Variants in NEBL observed in about 807,000 individuals in gnomAD.
NEBL encodes nebulette, also known as LIM and SH3 protein 2.
In NEBL, 122 loss-of-function variants were observed where a neutral mutation model predicts 140.2. That is an observed-to-expected ratio of 0.87 (90% CI 0.75 to 1.01). NEBL has a LOEUF of 1.01. Among genes scored for constraint, NEBL ranks in the 50% least tolerant of loss-of-function variants. NEBL has a pLI of 0.00. For missense variants in NEBL, 1,365 were observed against 1,231.3 expected (o/e 1.11, Z -1.62); for synonymous variants, 436 against 398.9 (o/e 1.09, Z -1.11).
At chr10:20,938,005 C>T (rs536319368) in intron 4 of NEBL, among the ~76,000 whole-genome samples, 1 of 152,340 alleles carries the variant, frequency 6.6e-6, no homozygotes, top group South Asian at 2.1e-4. Context: ...TAGACTCCAC[C>T]TCTCGGGGCA....
chr10:20,904,793 A>T (rs1848020476), intron 4 of NEBL, among the ~76,000 whole-genome samples: 1 of 152,226 alleles, frequency 6.6e-6, no homozygotes, highest in Non-Finnish European at 1.5e-5. Flanking sequence ...AAAAACTTGA[A>T]TATGAGAGTG....
chr10:21,167,218 G>A (rs1840815517), intron 2 of NEBL, among the ~76,000 whole-genome samples: 1 of 152,172 alleles, frequency 6.6e-6, no homozygotes, highest in Non-Finnish European at 1.5e-5. Flanking sequence ...CTCAGCGCCT[G>A]CTGTTTTATT....
intron 1 of NEBL, among the ~76,000 whole-genome samples, chr10:21,254,811 C>G (rs1842634027): frequency 6.6e-6 from 1 of 152,178 alleles, no homozygotes; most frequent in Admixed American, 6.5e-5. Flanking sequence ...GTCTGGACTT[C>G]ACATACCCTG....
chr10:21,204,196 G>C (rs1021341852), intron 3 of NEBL, among the ~76,000 whole-genome samples: 3 of 152,144 alleles, frequency 2.0e-5, no homozygotes, highest in African/African-American at 7.2e-5. Context: ...CTTAGAACAA[G>C]CCTCAGAATT....
rs1835674226 is a variant in NEBL, at chr10:21,068,644, T to C, written c.165-48443A>G. 2.0e-5 allele frequency among the ~76,000 whole-genome samples: 3 copies of C among 152,334 alleles called. No homozygotes were observed. In the South Asian group the frequency reaches 6.2e-4, roughly 32 times the overall value. Reference sequence around the variant, plus strand: ...ACCCATGGGCTCTGGTCTTTTCAGCTGTCAGCTACTAAGCCAGTACACCCT... The same window carrying C: ...ACCCATGGGCTCTGGTCTTTTCAGCCGTCAGCTACTAAGCCAGTACACCCT... On this transcript the variant is annotated intron_variant, in intron 2 of 6. Coordinates refer to the NEBL transcript ENST00000417816.
chr10:21,070,695 A>G (rs1043290961), intron 2 of NEBL, among the ~76,000 whole-genome samples: 3 of 152,104 alleles, frequency 2.0e-5, no homozygotes, highest in African/African-American at 7.2e-5. Context: ...CCACAACAAG[A>G]CCTCAAACAC....
intron 3 of NEBL, among the ~76,000 whole-genome samples, chr10:20,967,338 A>G (rs1034224448): frequency 6.6e-6 from 1 of 152,184 alleles, no homozygotes; most frequent in Non-Finnish European, 1.5e-5. Context: ...CAAGAAATGT[A>G]GACACAGGGC....
chr10:21,225,832 A>G (rs1415179836), intron 3 of NEBL, among the ~76,000 whole-genome samples: 2 of 152,154 alleles, frequency 1.3e-5, no homozygotes, highest in African/African-American at 4.8e-5. Flanking sequence ...CCAAGAGCCA[A>G]GCCCTGGAAT....
intron 2 of NEBL, among the ~76,000 whole-genome samples, chr10:21,040,701 G>C (rs1304887973): frequency 6.6e-6 from 1 of 151,760 alleles, no homozygotes; most frequent in South Asian, 2.1e-4. Flanking sequence ...GTTTGGATTT[G>C]TGTCCCCACC....
chr10:21,153,660 T>G (rs1369285433), intron 2 of NEBL, among the ~76,000 whole-genome samples: 3 of 152,084 alleles, frequency 2.0e-5, no homozygotes, highest in Non-Finnish European at 4.4e-5. Context: ...GGATTACAGA[T>G]GCACACCACC....
Position 20,789,910 on chromosome 10 carries a change from T to TATATATAC in NEBL, c.2762-2603_2762-2602insGTATATAT, listed in dbSNP as rs1491355495. Among the ~76,000 whole-genome samples the TATATATAC allele has an allele frequency of 5.4e-5, 8 of 148,226 alleles. No homozygotes were observed. In the East Asian group the frequency reaches 1.7e-3, roughly 31 times the overall value. On this transcript the variant is annotated intron_variant, in intron 26 of 27. Coordinates refer to ENST00000377122, the MANE Select transcript of NEBL (RefSeq NM_006393.3). ...ACATATATATATGTATAGATATATG[T>TATATATAC]ATATATATATGTGTGTGTATATGTG...
chr10:21,068,818 G>C (rs547771246), intron 2 of NEBL, among the ~76,000 whole-genome samples: 1 of 152,322 alleles, frequency 6.6e-6, no homozygotes, highest in South Asian at 2.1e-4. Context: ...AATTTTTAAA[G>C]CTTGAAATAT....
intron 3 of NEBL, among the ~76,000 whole-genome samples, chr10:21,210,165 G>T (rs535691255): frequency 1.3e-5 from 2 of 152,272 alleles, no homozygotes; most frequent in African/African-American, 4.8e-5. Context: ...GCCAAGACAG[G>T]CAGATCACCT....
chr10:21,062,802 C>T (rs888425263), intron 2 of NEBL, among the ~76,000 whole-genome samples: 7 of 152,150 alleles, frequency 4.6e-5, no homozygotes, highest in African/African-American at 1.7e-4. Context: ...CTACAACACA[C>T]CAGCACTGGG....
intron 2 of NEBL, among the ~76,000 whole-genome samples, chr10:21,140,978 C>T (rs550178398): frequency 1.4e-5 from 2 of 147,958 alleles, no homozygotes; most frequent in East Asian, 4.1e-4. Flanking sequence ...AAGCTAATAT[C>T]AATTTTGGTC....
At chr10:21,278,374 G>A (rs149554974) in intron 1 of NEBL, among the ~76,000 whole-genome samples, 28 of 152,326 alleles carry the variant, frequency 1.8e-4, no homozygotes, top group African/African-American at 6.5e-4. Flanking sequence ...AGCCCAGGAC[G>A]TCGAGGCTTC....
intron 2 of NEBL, among the ~76,000 whole-genome samples, chr10:21,154,382 C>A: frequency 6.7e-6 from 1 of 149,090 alleles, no homozygotes. Flanking sequence ...TCACTTGAAC[C>A]TGGGAGGTGG....
chr10:21,263,960 C>T (rs1159841459), intron 1 of NEBL, among the ~76,000 whole-genome samples: 4 of 152,232 alleles, frequency 2.6e-5, no homozygotes, highest in South Asian at 2.1e-4. Flanking sequence ...AGTGAAACTC[C>T]GTCTCAAACA....
At chr10:21,278,218 A>G (rs1842948150) in intron 1 of NEBL, among the ~76,000 whole-genome samples, 1 of 152,156 alleles carries the variant, frequency 6.6e-6, no homozygotes, top group African/African-American at 2.4e-5. Flanking sequence ...AGGCGGGAGA[A>G]TTGCTTGAGC....
Sources: allele counts gnomAD v4.1 joint callset (sites outside exome capture counted in the v4.1 genomes callset), GRCh38; gene constraint gnomAD v4.1.1; transcripts MANE v1.5; gene names NCBI Gene and HGNC (gene_info 2026-07-23, HGNC 2026-07-21).